Variants in CRADD observed in about 807,000 individuals in gnomAD.
CRADD encodes the protein CARD and death domain containing adaptor protein.
In CRADD, 9 loss-of-function variants were observed where a neutral mutation model predicts 15.5. That is an observed-to-expected ratio of 0.58 (90% CI 0.35 to 1.01). The LOEUF (loss-of-function observed/expected upper bound fraction) is 1.01, where lower values mean the gene tolerates loss of function less well. Among genes scored for constraint, CRADD ranks in the 50% least tolerant of loss-of-function variants. CRADD has a pLI of 0.02. For missense variants in CRADD, 227 were observed against 250.3 expected (o/e 0.91, Z 0.63); for synonymous variants, 118 against 107.6 (o/e 1.10, Z -0.60).
intron 2 of CRADD, chr12:93,735,426 T>G (rs2136919487): frequency 6.6e-6 from 1 of 152,342 alleles, no homozygotes; most frequent in East Asian, 1.9e-4. Flanking sequence ...TGTTTTTATG[T>G]CTCTTTTCCA....
intron 2 of CRADD, among the ~76,000 whole-genome samples, chr12:93,769,476 G>T (rs1025085087): frequency 5.9e-5 from 9 of 152,108 alleles, no homozygotes; most frequent in African/African-American, 2.2e-4. Flanking sequence ...ATGTCTTTTG[G>T]CATACGTGTG....
intron 2 of CRADD, among the ~76,000 whole-genome samples, chr12:93,761,263 C>T (rs1441977631): frequency 1.3e-5 from 2 of 152,144 alleles, no homozygotes; most frequent in Non-Finnish European, 2.9e-5. Flanking sequence ...CTCAGCTTTT[C>T]ATTCTTTAAA....
At chr12:93,840,230 T>A (rs953495914) in intron 2 of CRADD, among the ~76,000 whole-genome samples, 1 of 152,250 alleles carries the variant, frequency 6.6e-6, no homozygotes, top group Non-Finnish European at 1.5e-5. Flanking sequence ...TTTAGTCAGA[T>A]CTTGCTTTAT....
At chr12:93,887,360 A>G (rs1329428087) in intron 2 of CRADD, among the ~76,000 whole-genome samples, 1 of 152,226 alleles carries the variant, frequency 6.6e-6, no homozygotes, top group Non-Finnish European at 1.5e-5. Context: ...GCAGATCTCA[A>G]TGCCAGGGCC....
rs1050393289 is a variant in CRADD, at chr12:93,833,731, C to T, written c.299-16239C>T. ...AAGTGAGAATTAAGGAATTACTGAA[C>T]TTTGAACAAACATTTTTTCACATAA... On this transcript the variant is annotated intron_variant, in intron 2 of 2. Transcript: ENST00000332896. Among the ~76,000 whole-genome samples, 3 of 135,408 alleles carry T rather than the reference C, an allele frequency of 2.2e-5. No individual in the cohort carries two copies. In the East Asian group the frequency reaches 9.2e-4, roughly 41 times the overall value. 88.8% of individuals were successfully genotyped at this position (135,408 alleles called of 152,430 possible).
intron 2 of CRADD, among the ~76,000 whole-genome samples, chr12:93,684,609 A>G (rs1955392068): frequency 6.6e-6 from 1 of 152,230 alleles, no homozygotes; most frequent in African/African-American, 2.4e-5. Context: ...AGTTCAATGT[A>G]TTCTAGTAGA....
At chr12:93,696,722 C>A (rs569440139) in intron 2 of CRADD, among the ~76,000 whole-genome samples, 1 of 149,848 alleles carries the variant, frequency 6.7e-6, no homozygotes, top group Non-Finnish European at 1.5e-5. Context: ...ATGGATTCAA[C>A]CAACCACAAA....
At chr12:93,830,516 A>AT (rs1957882513) in intron 2 of CRADD, among the ~76,000 whole-genome samples, 1 of 152,230 alleles carries the variant, frequency 6.6e-6, no homozygotes, top group South Asian at 2.1e-4. Flanking sequence ...TTAAACATAT[A>AT]TAAAAACAGA....
intron 2 of CRADD, among the ~76,000 whole-genome samples, chr12:93,706,482 T>C (rs888059202): frequency 5.9e-5 from 9 of 152,200 alleles, no homozygotes; most frequent in Non-Finnish European, 1.2e-4. Flanking sequence ...GTCCACTTAA[T>C]GGTTCTGTAT....
Position 93,799,998 on chromosome 12 carries a change from G to A in CRADD, c.299-49972G>A, listed in dbSNP as rs552481742. Among the ~76,000 whole-genome samples the A allele has an allele frequency of 2.2e-4, 33 of 152,238 alleles. No homozygotes were observed. In the South Asian group the frequency reaches 3.7e-3, roughly 17 times the overall value. On this transcript the variant is annotated intron_variant, in intron 2 of 2. Coordinates refer to ENST00000332896, the MANE Select transcript of CRADD (RefSeq NM_003805.5). ...AACATTTGGGATACACTGTATTAGG[G>A]TTCTCCAGAGGAACAGACTTGATAG...
At chr12:93,738,637 C>A (rs529740839) in intron 2 of CRADD, 10 of 551,140 alleles carry the variant, frequency 1.8e-5, no homozygotes, top group African/African-American at 9.6e-5. Context: ...GTCATTGTAA[C>A]CTTTGGTTAT....
At chr12:93,875,337 GT>G (rs1958450803) in intron 2 of CRADD, among the ~76,000 whole-genome samples, 1 of 151,680 alleles carries the variant, frequency 6.6e-6, no homozygotes, top group Non-Finnish European at 1.5e-5. Flanking sequence ...AATGGGTCTT[GT>G]TTTTTCATCC....
chr12:93,683,060 C>T (rs1394044572), intron 2 of CRADD, among the ~76,000 whole-genome samples: 4 of 152,172 alleles, frequency 2.6e-5, no homozygotes, highest in East Asian at 1.9e-4. Context: ...GGGACAGTGC[C>T]GTGTCTGGGT....
At chr12:93,715,195 T>C (rs1240670713) in intron 2 of CRADD, among the ~76,000 whole-genome samples, 1 of 152,232 alleles carries the variant, frequency 6.6e-6, no homozygotes, top group Non-Finnish European at 1.5e-5. Flanking sequence ...ACGCCTTTGA[T>C]TTCTATTGAA....
chr12:93,834,909 G>T lies in CRADD; in HGVS notation c.299-15061G>T, dbSNP rs186007549. Among the ~76,000 whole-genome samples the T allele has an allele frequency of 3.3e-5, 5 of 152,366 alleles. No individual in the cohort carries two copies. In the East Asian group the frequency reaches 9.6e-4, roughly 29 times the overall value. ...TTAGTGGAGACTGCCTGGCAGAGGG[G>T]AGGGGTATTTTATCATTTGCATTGT... On this transcript the variant is annotated intron_variant, in intron 2 of 2. Coordinates refer to ENST00000332896, the MANE Select transcript of CRADD (RefSeq NM_003805.5).
At chr12:93,803,491 C>T (rs1957497955) in intron 2 of CRADD, among the ~76,000 whole-genome samples, 1 of 152,152 alleles carries the variant, frequency 6.6e-6, no homozygotes, top group African/African-American at 2.4e-5. Context: ...ATCTTAAATA[C>T]AGTTTCTCTT....
intron 2 of CRADD, among the ~76,000 whole-genome samples, chr12:93,774,286 T>C (rs1037785264): frequency 9.9e-5 from 15 of 152,122 alleles, no homozygotes. Context: ...AAAAATGAAA[T>C]GAATTTTCTT....
chr12:93,786,439 A>T (rs1957278624), intron 2 of CRADD, among the ~76,000 whole-genome samples: 1 of 152,218 alleles, frequency 6.6e-6, no homozygotes, highest in Non-Finnish European at 1.5e-5. Flanking sequence ...TTAAGTATAC[A>T]TAGTAGGCAC....
intron 2 of CRADD, among the ~76,000 whole-genome samples, chr12:93,753,718 G>A (rs1237015809): frequency 6.6e-6 from 1 of 152,218 alleles, no homozygotes; most frequent in African/African-American, 2.4e-5. Flanking sequence ...TCACATCCAG[G>A]TCCTGCTGGA....
Sources: allele counts gnomAD v4.1 joint callset (sites outside exome capture counted in the v4.1 genomes callset), GRCh38; gene constraint gnomAD v4.1.1; transcripts MANE v1.5; gene names NCBI Gene and HGNC (gene_info 2026-07-23, HGNC 2026-07-21).